The following FAM83F variants were observed in gnomAD, a reference collection of about 807,000 sequenced individuals.
The protein encoded by FAM83F is scaffolding CK1 anchoring protein F.
A neutral mutation model predicts 42.9 loss-of-function variants in FAM83F; 45 were observed. The observed-to-expected ratio is 1.05, with a 90% confidence interval of 0.83 to 1.35. FAM83F has a LOEUF of 1.35. FAM83F is among the 40% of genes most tolerant of loss of function. The probability of loss-of-function intolerance (pLI) is 0.00; values close to 1 mark genes in which losing one functional copy is unlikely to be tolerated. For missense variants in FAM83F, 617 were observed against 695.9 expected (o/e 0.89, Z 1.28); for synonymous variants, 306 against 298.3 (o/e 1.03, Z -0.27).
chr22:40,011,971 T>C (rs2067467233), intron 1 of FAM83F, among the ~76,000 whole-genome samples: 1 of 151,714 alleles, frequency 6.6e-6, no homozygotes, highest in Admixed American at 6.6e-5. Context: ...GCTGCACCAG[T>C]GCTCCCACCC....
chr22:39,996,236 G>A (rs1366162590), intron 1 of FAM83F, among the ~76,000 whole-genome samples: 3 of 152,130 alleles, frequency 2.0e-5, no homozygotes, highest in African/African-American at 4.8e-5. Flanking sequence ...TTGGAAGGAG[G>A]GGCTGTTTCC....
intron 1 of FAM83F, among the ~76,000 whole-genome samples, chr22:40,003,475 G>A (rs939170272): frequency 1.3e-5 from 2 of 152,080 alleles, no homozygotes; most frequent in South Asian, 4.1e-4. Flanking sequence ...CCAAGCTGGG[G>A]GAGGTGGGGA....
intron 4 of FAM83F, among the ~76,000 whole-genome samples, chr22:40,025,873 A>G (rs1004214525): frequency 6.6e-6 from 1 of 152,198 alleles, no homozygotes; most frequent in Non-Finnish European, 1.5e-5. Context: ...GACTGAGGAA[A>G]CACAGATGAG....
rs1471948149 is a variant in FAM83F at position 40,042,176 on chromosome 22, A to G, written c.*12611A>G. On this transcript the variant is annotated 3_prime_UTR_variant, in exon 5 of 5. Transcript: ENST00000333407. ...TGTGCCTGGCCTCAATGTTACTTTT[A>G]TGATCAGAAAAACGGCCATCTTATT... The G allele has an allele frequency of 2.0e-5, 3 of 152,146 alleles. No homozygotes were observed. Among genetic ancestry groups the G allele is most frequent in the Non-Finnish European group, 2.9e-5 (2 of 68,012 alleles). The allele number at this position is 152,146 out of a possible 1,614,324, so 9.4% of individuals were successfully genotyped here.
At chr22:39,997,732 G>T (rs946306364) in intron 1 of FAM83F, among the ~76,000 whole-genome samples, 2 of 152,158 alleles carry the variant, frequency 1.3e-5, no homozygotes, top group Non-Finnish European at 2.9e-5. Flanking sequence ...GAGCTGTCGT[G>T]GGGGGAGGTG....
rs2067522487 is a variant in FAM83F at position 40,021,634 on chromosome 22, T to C, written c.1124T>C (p.Leu375Pro). 1 of 1,592,090 alleles carries C rather than the reference T, an allele frequency of 6.3e-7. No individual in the cohort carries two copies. Among genetic ancestry groups the C allele is most frequent in the Admixed American group, 1.7e-5 (1 of 58,782 alleles). The change falls in exon 4 of 5, where the codon CTG becomes CCG. Residue 375 changes from leucine to proline, a missense_variant. Leu to Pro is a moderately conservative substitution (Grantham distance 98, BLOSUM62 -3). Transcript: ENST00000333407. The surrounding 1 kb of genome is among the most constrained non-coding windows in gnomAD (Gnocchi z 8.7). ...TCGGCCTGGCGCCTGGAGAGCTTCC[T>C]GAAAGACCTGGTTACGGTGGAGCAG... is the stretch of plus-strand genomic sequence containing the variant. ...GESAWRLESF[L>P]KDLVTVEQVL...
chr22:40,007,649 C>T (rs1601764905), intron 1 of FAM83F, among the ~76,000 whole-genome samples: 1 of 133,774 alleles, frequency 7.5e-6, no homozygotes, highest in Non-Finnish European at 1.6e-5. Flanking sequence ...CCTCTTCTCT[C>T]CTCCTCGTTT....
At chr22:40,029,030 G>A (rs950591522) in intron 4 of FAM83F, among the ~76,000 whole-genome samples, 1 of 151,402 alleles carries the variant, frequency 6.6e-6, no homozygotes, top group Non-Finnish European at 1.5e-5. Flanking sequence ...TTACTTTGCA[G>A]GCGGTGGAGC....
Position 40,021,146 on chromosome 22 carries a change from G to A in FAM83F, c.780-144G>A. Reference sequence around the variant, plus strand: ...AAAGGGAGGCTACGGGTGGGTGGAGGGAATCAGTCCAGCGTGTGGCCCACA... The same window carrying A: ...AAAGGGAGGCTACGGGTGGGTGGAGAGAATCAGTCCAGCGTGTGGCCCACA... On this transcript the variant is annotated intron_variant, in intron 3 of 4. Coordinates refer to ENST00000333407, the MANE Select transcript of FAM83F (RefSeq NM_138435.4). The surrounding 1 kb of genome is among the most constrained non-coding windows in gnomAD (Gnocchi z 8.7). 1.1e-6 allele frequency: 1 copy of A among 896,710 alleles called. No individual in the cohort carries two copies. Among genetic ancestry groups the A allele is most frequent in the Non-Finnish European group, 1.6e-6 (1 of 644,422 alleles). 55.5% of individuals were successfully genotyped at this position (896,710 alleles called of 1,614,324 possible). A position where few individuals can be genotyped will look rare whatever the true frequency, so the allele number is the denominator to read the frequency against.
chr22:40,014,990 A>T (rs937142776), intron 1 of FAM83F, among the ~76,000 whole-genome samples: 1 of 152,244 alleles, frequency 6.6e-6, no homozygotes, highest in Non-Finnish European at 1.5e-5. Context: ...CCTAGAGTGC[A>T]CTGAAAGTAT....
chr22:40,018,675 C>G lies in FAM83F; in HGVS notation c.490-493C>G, dbSNP rs192561565. Among the ~76,000 whole-genome samples, 273 of 150,684 alleles carry G rather than the reference C, an allele frequency of 1.8e-3. 1 individual carries two copies. Among genetic ancestry groups the G allele is most frequent in the Admixed American group, 2.3e-3 (34 of 15,070 alleles). On this transcript the variant is annotated intron_variant, in intron 1 of 4. Transcript: ENST00000333407. ...CGGCGCAATCTTGGCTCACTGCAAA[C>G]TCTGCCTCCAGGTTCAGGCAATTCT...
rs1019352122 is a variant in FAM83F, at chr22:40,041,868, A to C, written c.*12303A>C. ...GTTAATATTATATTTACTCAATGTT[A>C]CTTTTTTTTTTTTTGAGACAGGGTC... On this transcript the variant is annotated 3_prime_UTR_variant, in exon 5 of 5. Transcript: ENST00000333407. 4 of 151,484 alleles carry C rather than the reference A, an allele frequency of 2.6e-5. No homozygotes were observed. The East Asian group carries it at 7.7e-4, about 29-fold the overall frequency. 9.4% of individuals were successfully genotyped at this position (151,484 alleles called of 1,614,324 possible). A position where few individuals can be genotyped will look rare whatever the true frequency, so the allele number is the denominator to read the frequency against.
intron 1 of FAM83F, among the ~76,000 whole-genome samples, chr22:39,996,289 A>G (rs1032033177): frequency 1.3e-5 from 2 of 152,178 alleles, no homozygotes; most frequent in South Asian, 2.1e-4. Context: ...CAGGTGGAAG[A>G]CTTTAATCTT....
At chr22:40,022,019 C>A in intron 4 of FAM83F, 56 bp downstream of exon 4, 1 of 1,432,352 alleles carries the variant, frequency 7.0e-7, no homozygotes, top group Non-Finnish European at 9.3e-7. Context: ...CCTCGCCCCG[C>A]ATCGGCTCTT....
At chr22:40,028,299 T>G (rs948795140) in intron 4 of FAM83F, among the ~76,000 whole-genome samples, 4 of 152,220 alleles carry the variant, frequency 2.6e-5, no homozygotes, top group Admixed American at 2.6e-4. Context: ...GCAGCCTGTG[T>G]GGCAGGGCAG....
At chr22:40,020,991 C>T (rs533350880) in intron 3 of FAM83F, among the ~76,000 whole-genome samples, 1 of 152,208 alleles carries the variant, frequency 6.6e-6, no homozygotes, top group Admixed American at 6.5e-5. Flanking sequence ...ACCCTGTGAA[C>T]ATATGTCCTG....
At chr22:40,012,917 C>CA (rs141904019) in intron 1 of FAM83F, among the ~76,000 whole-genome samples, 3,725 of 109,646 alleles carry the variant, frequency 0.034, 115 homozygotes, top group African/African-American at 0.098. Context: ...ACTAAAAATA[C>CA]AAAAAAAAAA....
chr22:40,013,135 C>T (rs11089967), intron 1 of FAM83F, among the ~76,000 whole-genome samples: 46,777 of 147,174 alleles, frequency 0.32, 7,904 homozygotes, highest in African/African-American at 0.42. Context: ...TACTTATTAG[C>T]GTAATTTTAT....
In FAM83F at chr22:39,995,226, C is replaced by T; in HGVS notation, c.184C>T (p.Pro62Ser). The T allele has an allele frequency of 1.3e-6, 2 of 1,533,174 alleles. No individual in the cohort carries two copies. Among genetic ancestry groups the T allele is most frequent in the Non-Finnish European group, 1.7e-6 (2 of 1,145,370 alleles). 95.0% of individuals were successfully genotyped at this position (1,533,174 alleles called of 1,614,324 possible). A position where few individuals can be genotyped will look rare whatever the true frequency, so the allele number is the denominator to read the frequency against. Reference protein sequence around the residue: ...EEQLRDFLSSPERQALRAAWS... With the variant: ...EEQLRDFLSSSERQALRAAWS... ...GCAGCTGCGGGACTTCCTCTCCAGC[C>T]CGGAGCGCCAGGCCCTGCGGGCCGC... Residue 62 changes from proline (P) to serine (S), a missense_variant, in exon 1 of 5, where the codon CCG becomes TCG. Pro to Ser is a moderately conservative substitution (Grantham distance 74). Coordinates refer to ENST00000333407, the MANE Select transcript of FAM83F (RefSeq NM_138435.4). The surrounding 1 kb of genome is among the most constrained non-coding windows in gnomAD (Gnocchi z 4.6).
Sources: gnomAD v4.1 joint callset for allele counts (sites outside exome capture counted in the v4.1 genomes callset) on GRCh38, gnomAD v4.1.1 for gene constraint, Gnocchi (gnomAD v3.1) non-coding constraint, MANE v1.5 for transcripts, NCBI Gene and HGNC (gene_info 2026-07-23, HGNC 2026-07-21) for gene names.